The following GRID2IP variants were observed in gnomAD, a reference collection of about 807,000 sequenced individuals.
GRID2IP encodes delphilin.
A neutral mutation model predicts 114.3 loss-of-function variants in GRID2IP; 78 were observed. That is an observed-to-expected ratio of 0.68 (90% CI 0.57 to 0.82). GRID2IP has a LOEUF of 0.82. GRID2IP is among the 40% of genes least tolerant of loss of function. GRID2IP has a pLI of 0.00. For synonymous variants in GRID2IP, 809 were observed against 724.0 expected, an observed-to-expected ratio of 1.12 and a Z score of -1.89; for missense variants, 1,727 against 1,678.5, an observed-to-expected ratio of 1.03 and a Z score of -0.51.
At chr7:6,512,699 T>G (rs1260418764) in intron 8 of GRID2IP, among the ~76,000 whole-genome samples, 1 of 152,042 alleles carries the variant, frequency 6.6e-6, no homozygotes. Flanking sequence ...TTAGTACAGA[T>G]GAGGTTTCCC....
chr7:6,539,798 C>T lies in GRID2IP; in HGVS notation c.504G>A (p.Glu168=). ...VFAALKQFAA[E]QRVDDLVWTL... ...TCCACACCAGATCATCCACCCGCTG[C>T]TCAGCTGCAAACTGCTTCAGTGCAG... is the stretch of plus-strand genomic sequence containing the variant. Residue 168 remains glutamate, a synonymous_variant, in exon 2 of 22, where the codon GAG becomes GAA. Transcript: ENST00000457091. The T allele has an allele frequency of 1.3e-6, 2 of 1,550,946 alleles. No individual in the cohort carries two copies. The highest frequency in any genetic ancestry group is 1.7e-6 in the Non-Finnish European group (2 of 1,146,974).
Position 6,526,756 on chromosome 7 carries a change from TG to T in GRID2IP, c.597del (p.Lys200ArgfsTer130). 1 of 1,523,432 alleles carries T rather than the reference TG, an allele frequency of 6.6e-7. No homozygotes were observed. The highest frequency in any genetic ancestry group is 2.7e-5 in the East Asian group (1 of 37,268). 94.4% of individuals were successfully genotyped at this position (1,523,432 alleles called of 1,614,324 possible). ...TCGTCGAAGCGCGCCCGGTGCTTCT[TG>T]GGGATGAAGATCCTGCCGGCGAGGA... Reference protein sequence around the residue: ...PLLDNLRIFIPKKHRARFDEV... With the variant: ...PLLDNLRIFIXKKHRARFDEV... On this transcript the variant is annotated frameshift_variant, in exon 3 of 22. Coordinates refer to ENST00000457091, the MANE Select transcript of GRID2IP (RefSeq NM_001145118.2). LOFTEE classifies it high-confidence loss of function. This position sits in a 1 kb window ranked among gnomAD's most constrained non-coding sequence, Gnocchi z 7.6.
rs367729634 is a variant in GRID2IP at position 6,549,304 on chromosome 7, G to A, written c.429+1704C>T. Among the ~76,000 whole-genome samples the A allele has an allele frequency of 2.7e-4, 41 of 152,302 alleles. No individual in the cohort carries two copies. In the Middle Eastern group the frequency reaches 0.01, roughly 38 times the overall value. On this transcript the variant is annotated intron_variant, in intron 1 of 21. Transcript: ENST00000457091. ...CCATCCCAGCCCTGGGTCTCTAAAT[G>A]GTGCCTCCATCTTGGCTTGTGGCCA...
chr7:6,517,050 G>C (rs1779319612), intron 7 of GRID2IP, among the ~76,000 whole-genome samples: 1 of 150,954 alleles, frequency 6.6e-6, no homozygotes, highest in East Asian at 1.9e-4. Context: ...TTTGTCTTGT[G>C]TCTTTCTTTC....
intron 8 of GRID2IP, among the ~76,000 whole-genome samples, chr7:6,511,615 C>T (rs998552341): frequency 2.0e-5 from 3 of 152,166 alleles, no homozygotes; most frequent in South Asian, 2.1e-4. Context: ...TCAGGTGATC[C>T]GCCTGCCTCG....
At chr7:6,512,254 C>T (rs2115059627) in intron 8 of GRID2IP, among the ~76,000 whole-genome samples, 1 of 34,234 alleles carries the variant, frequency 2.9e-5, no homozygotes, top group Admixed American at 2.6e-4. Flanking sequence ...TTTTTTGTGA[C>T]AGGTCTCACT....
At position 6,532,530 on chromosome 7, in the gene GRID2IP, C is replaced by G. The variant is rs961640811; in HGVS notation, c.585-5761G>C. 1.3e-5 allele frequency among the ~76,000 whole-genome samples: 2 copies of G among 152,118 alleles called. No homozygotes were observed. The highest frequency in any genetic ancestry group is 4.8e-5 in the African/African-American group (2 of 41,402). On this transcript the variant is annotated intron_variant, in intron 2 of 21. Transcript: ENST00000457091. This position sits in a 1 kb window ranked among gnomAD's most constrained non-coding sequence, Gnocchi z 4.4. ...TGCAAGACCATCACTTTGCTGTGAC[C>G]CCCCGTGGCTGTACTTCTTCCTGGA...
intron 1 of GRID2IP, among the ~76,000 whole-genome samples, chr7:6,540,341 A>C (rs2115097344): frequency 6.6e-6 from 1 of 151,618 alleles, no homozygotes; most frequent in South Asian, 2.1e-4. Flanking sequence ...TGAACTCCCA[A>C]CCTCAGGTGA....
intron 7 of GRID2IP, among the ~76,000 whole-genome samples, chr7:6,515,565 G>T (rs950430574): frequency 2.6e-5 from 4 of 151,614 alleles, no homozygotes; most frequent in African/African-American, 2.4e-5. Context: ...ATCATCTGAG[G>T]TCGGGAGCTC....
In GRID2IP at chr7:6,521,253, G is replaced by A. The variant is rs528125913; in HGVS notation, c.1084+176C>T. ...CCCAAAGTGCTGGGATTCCAGGCAT[G>A]AGCCACCATGCCCAGCCTCACTGGG... is the stretch of plus-strand genomic sequence containing the variant. On this transcript the variant is annotated intron_variant, in intron 6 of 21. Coordinates refer to ENST00000457091, the MANE Select transcript of GRID2IP (RefSeq NM_001145118.2). This position sits in a 1 kb window ranked among gnomAD's most constrained non-coding sequence, Gnocchi z 4.1. Among the ~76,000 whole-genome samples, 10 of 152,322 alleles carry A rather than the reference G, an allele frequency of 6.6e-5. No homozygotes were observed. The South Asian group carries it at 2.1e-3, about 32-fold the overall frequency.
chr7:6,512,120 T>C (rs1317141770), intron 8 of GRID2IP, among the ~76,000 whole-genome samples: 1 of 151,294 alleles, frequency 6.6e-6, no homozygotes, highest in Non-Finnish European at 1.5e-5. Flanking sequence ...TTTCACCATA[T>C]TGGACAGGCT....
chr7:6,549,191 G>A (rs1407365722), intron 1 of GRID2IP, among the ~76,000 whole-genome samples: 2 of 152,174 alleles, frequency 1.3e-5, no homozygotes, highest in Non-Finnish European at 2.9e-5. Flanking sequence ...TCTTGGAATT[G>A]CCTGGATCTG....
intron 15 of GRID2IP, among the ~76,000 whole-genome samples, chr7:6,504,184 G>C (rs1322221437): frequency 6.6e-6 from 1 of 151,484 alleles, no homozygotes; most frequent in Non-Finnish European, 1.5e-5. Flanking sequence ...GGTGGAAAGA[G>C]GGCGGGGCTT....
chr7:6,522,755 C>T (rs1779436113), intron 4 of GRID2IP, among the ~76,000 whole-genome samples: 1 of 151,784 alleles, frequency 6.6e-6, no homozygotes, highest in Non-Finnish European at 1.5e-5. Context: ...AAGCTATTCT[C>T]CCACCTCAGC....
chr7:6,528,029 A>T lies in GRID2IP; in HGVS notation c.585-1260T>A, dbSNP rs1447266213. ...CGCCTCGGCCTCCCAAAGTCCTGGG[A>T]TTAGACGTGAGCCACTGTGCCCGGC... On this transcript the variant is annotated intron_variant, in intron 2 of 21. Coordinates refer to ENST00000457091, the MANE Select transcript of GRID2IP (RefSeq NM_001145118.2). This position sits in a 1 kb window ranked among gnomAD's most constrained non-coding sequence, Gnocchi z 6.0. Among the ~76,000 whole-genome samples the T allele has an allele frequency of 6.6e-6, 1 of 151,954 alleles. No individual in the cohort carries two copies. Among genetic ancestry groups the T allele is most frequent in the East Asian group, 1.9e-4 (1 of 5,182 alleles).
At position 6,498,169 on chromosome 7, in the gene GRID2IP, G is replaced by T; in HGVS notation, c.3459C>A (p.Ala1153=). Residue 1153 remains alanine (A), a synonymous_variant, in exon 21 of 22, where the codon GCC becomes GCA. Transcript: ENST00000457091. ...CCAGCGCCTTGCCCAGCTCCTCCAT[G>T]GCCTCGCGCTGCAGCCCGTCGAGCG... The part of the protein sequence containing the change: ...LRALDGLQRE[A]MEELGKALAF... 1 of 1,551,350 alleles carries T rather than the reference G, an allele frequency of 6.4e-7. No individual in the cohort carries two copies.
chr7:6,549,739 A>G (rs1180436120), intron 1 of GRID2IP, among the ~76,000 whole-genome samples: 1 of 151,592 alleles, frequency 6.6e-6, no homozygotes, highest in African/African-American at 2.4e-5. Flanking sequence ...TCCCACCTCA[A>G]CACCCTTGAG....
At chr7:6,504,965 C>A in intron 14 of GRID2IP, 95 bp from the exon 15 acceptor site, 1 of 943,964 alleles carries the variant, frequency 1.1e-6, no homozygotes, top group Non-Finnish European at 1.7e-6. Context: ...AGCCACTATC[C>A]CCCTAAGCAC....
chr7:6,501,955 T>C (rs565167004), intron 19 of GRID2IP, 34 bp downstream of exon 19: 385 of 1,550,704 alleles, frequency 2.5e-4, no homozygotes, highest in Non-Finnish European at 3.3e-4. Flanking sequence ...CAGGACAGCA[T>C]GCCTCTGCCT....
Sources: gnomAD v4.1 joint callset for allele counts (sites outside exome capture counted in the v4.1 genomes callset) on GRCh38, gnomAD v4.1.1 for gene constraint, Gnocchi (gnomAD v3.1) non-coding constraint, MANE v1.5 for transcripts, NCBI Gene and HGNC (gene_info 2026-07-23, HGNC 2026-07-21) for gene names.